CFAP20DC: variants seen among roughly 807,000 people sequenced by gnomAD.
The protein encoded by CFAP20DC is CFAP20 domain containing.
CFAP20DC carries 84 observed loss-of-function variants against 101.7 expected under a neutral mutation model. The ratio of observed to expected loss-of-function variants is 0.83; its 90% confidence interval spans 0.69 to 0.99. The LOEUF is 0.99. Ranked by LOEUF, CFAP20DC falls within the 50% of genes least tolerant of loss-of-function variation. The pLI, the probability that CFAP20DC is intolerant of heterozygous loss-of-function variation, is 0.00. For missense variants in CFAP20DC, 1,007 were observed against 970.3 expected (o/e 1.04, Z -0.50); for synonymous variants, 359 against 351.2 (o/e 1.02, Z -0.25).
At position 59,015,366 on chromosome 3, in the gene CFAP20DC, A is replaced by C. The variant is rs916602801; in HGVS notation, c.278+24191T>G. On this transcript the variant is annotated intron_variant, in intron 4 of 16. Coordinates refer to ENST00000482387, the MANE Select transcript of CFAP20DC (RefSeq NM_001394063.1). The surrounding 1 kb of genome is among the most constrained non-coding windows in gnomAD (Gnocchi z 5.4). Reference sequence around the variant, plus strand: ...AAGGAAAGGAAGAAGGAAAAGAAAAATTAGGAAGAAGAAGAATAAAAGAAG... The same window carrying C: ...AAGGAAAGGAAGAAGGAAAAGAAAACTTAGGAAGAAGAAGAATAAAAGAAG... 1.3e-5 allele frequency among the ~76,000 whole-genome samples: 2 copies of C among 152,028 alleles called. No homozygotes were observed. Among genetic ancestry groups the C allele is most frequent in the African/African-American group, 4.8e-5 (2 of 41,434 alleles).
chr3:59,034,592 CAAA>C (rs1056171222), intron 4 of CFAP20DC, among the ~76,000 whole-genome samples: 2 of 152,094 alleles, frequency 1.3e-5, no homozygotes, highest in African/African-American at 4.8e-5. Flanking sequence ...TCAAAAAAGA[CAAA>C]GAAGGGCATT....
At chr3:58,915,744 A>G (rs2084627059) in intron 5 of CFAP20DC, among the ~76,000 whole-genome samples, 1 of 152,196 alleles carries the variant, frequency 6.6e-6, no homozygotes, top group African/African-American at 2.4e-5. Context: ...ATATGCAAAT[A>G]TAAGCCAGAT....
At chr3:58,997,952 A>C (rs2093190114) in intron 4 of CFAP20DC, among the ~76,000 whole-genome samples, 2 of 152,226 alleles carry the variant, frequency 1.3e-5, no homozygotes, top group Admixed American at 6.5e-5. Flanking sequence ...GACAGTACGT[A>C]AATTTATCCT....
intron 4 of CFAP20DC, among the ~76,000 whole-genome samples, chr3:59,020,898 C>T (rs1341669551): frequency 6.6e-6 from 1 of 152,080 alleles, no homozygotes; most frequent in Non-Finnish European, 1.5e-5. Flanking sequence ...CTACCTGTAG[C>T]TCTCAGGTAA....
intron 7 of CFAP20DC, among the ~76,000 whole-genome samples, chr3:58,876,007 T>C (rs1387200748): frequency 6.6e-6 from 1 of 152,218 alleles, no homozygotes; most frequent in Non-Finnish European, 1.5e-5. Flanking sequence ...CTATATTTCA[T>C]AATCCTATCT....
chr3:58,835,824 A>G (rs1359450299), intron 13 of CFAP20DC, among the ~76,000 whole-genome samples: 3 of 152,238 alleles, frequency 2.0e-5, no homozygotes, highest in Admixed American at 1.3e-4. Context: ...GCTTTGCAAT[A>G]AAGTCTTTGC....
chr3:58,731,824 C>T (rs1389153953), intron 3 of CFAP20DC, among the ~76,000 whole-genome samples: 1 of 152,148 alleles, frequency 6.6e-6, no homozygotes, highest in Admixed American at 6.5e-5. Flanking sequence ...ATTAATGCTC[C>T]ATCTATTAAT....
At chr3:58,936,286 G>A (rs937454754) in intron 5 of CFAP20DC, among the ~76,000 whole-genome samples, 3 of 152,162 alleles carry the variant, frequency 2.0e-5, no homozygotes, top group African/African-American at 7.2e-5. Context: ...AGGTGCTGGA[G>A]AGGATGTGGA....
chr3:58,872,513 A>G (rs1030696819), intron 7 of CFAP20DC, among the ~76,000 whole-genome samples: 1 of 152,202 alleles, frequency 6.6e-6, no homozygotes, highest in Non-Finnish European at 1.5e-5. Flanking sequence ...TAATAGATAA[A>G]TCTGAAGATA....
intron 4 of CFAP20DC, among the ~76,000 whole-genome samples, chr3:58,944,070 T>A (rs377539487): frequency 6.6e-6 from 1 of 152,124 alleles, no homozygotes; most frequent in East Asian, 1.9e-4. Context: ...AAGATGGAAC[T>A]ATGTAAAATG....
chr3:58,748,667 A>ATGGG (rs1220256869), intron 16 of CFAP20DC, among the ~76,000 whole-genome samples: 1 of 152,186 alleles, frequency 6.6e-6, no homozygotes, highest in Non-Finnish European at 1.5e-5. Flanking sequence ...TGGGGGTGCT[A>ATGGG]TGGGTCTAAG....
chr3:58,749,391 C>T (rs537084327), intron 16 of CFAP20DC, among the ~76,000 whole-genome samples: 15 of 152,274 alleles, frequency 9.9e-5, no homozygotes, highest in Non-Finnish European at 1.8e-4. Context: ...GAGCTTTTAC[C>T]CACAGAACAG....
chr3:59,038,410 A>G (rs980807579), intron 4 of CFAP20DC, among the ~76,000 whole-genome samples: 7 of 152,194 alleles, frequency 4.6e-5, no homozygotes, highest in African/African-American at 1.7e-4. Context: ...AGAGTGATGC[A>G]GAACTACCTA....
At chr3:58,984,628 C>T (rs2092691939) in intron 4 of CFAP20DC, among the ~76,000 whole-genome samples, 1 of 152,062 alleles carries the variant, frequency 6.6e-6, no homozygotes, top group African/African-American at 2.4e-5. Context: ...CATCATTTCA[C>T]CTGATAAAAC....
chr3:58,846,785 CA>C (rs1393821351), intron 13 of CFAP20DC, among the ~76,000 whole-genome samples: 2 of 146,160 alleles, frequency 1.4e-5, no homozygotes, highest in African/African-American at 5.1e-5. Context: ...CTACAGTAAC[CA>C]AAACAGCATG....
At chr3:58,966,850 A>T (rs2091586237) in intron 4 of CFAP20DC, among the ~76,000 whole-genome samples, 1 of 152,178 alleles carries the variant, frequency 6.6e-6, no homozygotes. Context: ...TAAAAAATGA[A>T]ATAAATAGAA....
chr3:59,049,350 A>G (rs1234932896), intron 1 of CFAP20DC, among the ~76,000 whole-genome samples: 3 of 152,192 alleles, frequency 2.0e-5, no homozygotes, highest in Non-Finnish European at 4.4e-5. Flanking sequence ...TAAGATCTCC[A>G]TTTTAGGTAG....
chr3:58,872,230 T>C (rs1339805690), intron 7 of CFAP20DC, among the ~76,000 whole-genome samples: 10 of 152,138 alleles, frequency 6.6e-5, no homozygotes, highest in Admixed American at 6.5e-4. Context: ...TGCCCACCAG[T>C]CCTGGACATA....
At chr3:58,775,218 G>A (rs547550724) in intron 15 of CFAP20DC, among the ~76,000 whole-genome samples, 2 of 152,162 alleles carry the variant, frequency 1.3e-5, no homozygotes, top group African/African-American at 2.4e-5. Flanking sequence ...AAGCAAGGAG[G>A]GGGCTTTCAG....
Sources: gnomAD v4.1 joint callset for allele counts (sites outside exome capture counted in the v4.1 genomes callset) on GRCh38, gnomAD v4.1.1 for gene constraint, Gnocchi (gnomAD v3.1) non-coding constraint, MANE v1.5 for transcripts, NCBI Gene and HGNC (gene_info 2026-07-23, HGNC 2026-07-21) for gene names.